The following ELF2 variants were observed in gnomAD, a reference collection of about 807,000 sequenced individuals.
ELF2 encodes ETS-related transcription factor Elf-2.
A neutral mutation model predicts 54.8 loss-of-function variants in ELF2; 11 were observed. The observed-to-expected ratio is 0.20, with a 90% CI of 0.13 to 0.33. ELF2 has a LOEUF of 0.33. Ranked by LOEUF, ELF2 falls within the 10% of genes least tolerant of loss-of-function variation. ELF2 has a pLI of 1.00. For missense variants in ELF2, 513 were observed against 703.0 expected (o/e 0.73, Z 3.06); for synonymous variants, 203 against 245.1 (o/e 0.83, Z 1.61).
chr4:139,114,561 T>TCCAGTCTCACACACACACACACA (rs70940492), intron 4 of ELF2, among the ~76,000 whole-genome samples: 2,654 of 108,532 alleles, frequency 0.024, 67 homozygotes, highest in East Asian at 0.044. Flanking sequence ...GACTTCAGTC[T>TCCAGTCTCACACACACACACACA]CACACACACA....
intron 3 of ELF2, among the ~76,000 whole-genome samples, chr4:139,134,089 CTG>C (rs1737844711): frequency 6.6e-6 from 1 of 152,128 alleles, no homozygotes; most frequent in Non-Finnish European, 1.5e-5. Flanking sequence ...ATGATGTTGG[CTG>C]TGGGTTTTTC....
chr4:139,144,435 C>T (rs1017232193), intron 1 of ELF2, among the ~76,000 whole-genome samples: 2 of 152,164 alleles, frequency 1.3e-5, no homozygotes, highest in African/African-American at 4.8e-5. Flanking sequence ...GCAGTGGTTG[C>T]AGGTTGAAAG....
At chr4:139,100,709 A>T (rs1396868320) in intron 4 of ELF2, 2 of 152,282 alleles carry the variant, frequency 1.3e-5, no homozygotes, top group Non-Finnish European at 2.9e-5. Flanking sequence ...GAAAAAAAAT[A>T]AAAATTAAGT....
intron 4 of ELF2, among the ~76,000 whole-genome samples, chr4:139,083,494 G>A (rs1233735286): frequency 6.6e-6 from 1 of 152,178 alleles, no homozygotes; most frequent in Non-Finnish European, 1.5e-5. Context: ...ACCCTGTCCA[G>A]GACCGTTACT....
At chr4:139,112,103 A>G (rs1312338644) in intron 4 of ELF2, among the ~76,000 whole-genome samples, 1 of 152,202 alleles carries the variant, frequency 6.6e-6, no homozygotes, top group Non-Finnish European at 1.5e-5. Flanking sequence ...GCCCTCAGCA[A>G]TAAGATTTTT....
chr4:139,085,702 T>C (rs1187173099), intron 4 of ELF2, among the ~76,000 whole-genome samples: 1 of 152,236 alleles, frequency 6.6e-6, no homozygotes, highest in Non-Finnish European at 1.5e-5. Context: ...TAAGGATCTC[T>C]TTCTTGAATT....
intron 1 of ELF2, among the ~76,000 whole-genome samples, chr4:139,159,648 C>T (rs1014377110): frequency 6.6e-6 from 1 of 152,154 alleles, no homozygotes; most frequent in African/African-American, 2.4e-5. Flanking sequence ...AAGCATTGTC[C>T]TGAAATGATG....
At chr4:139,117,124 T>TA (rs1349665913) in intron 4 of ELF2, among the ~76,000 whole-genome samples, 2 of 152,240 alleles carry the variant, frequency 1.3e-5, no homozygotes, top group Non-Finnish European at 2.9e-5. Flanking sequence ...AATGTCTTGA[T>TA]ACGTGGTTAA....
intron 4 of ELF2, among the ~76,000 whole-genome samples, chr4:139,090,755 C>T (rs1732482354): frequency 6.6e-6 from 1 of 152,068 alleles, no homozygotes; most frequent in East Asian, 1.9e-4. Context: ...CCACCATACC[C>T]AGTTAATTTT....
chr4:139,134,618 A>ATTTTATTTTATTTAT (rs1553967913), intron 3 of ELF2, among the ~76,000 whole-genome samples: 31 of 28,526 alleles, frequency 1.1e-3, no homozygotes, highest in African/African-American at 3.2e-3. Context: ...ATTTTATTTT[A>ATTTTATTTTATTTAT]TTTATTTTAT....
intron 4 of ELF2, among the ~76,000 whole-genome samples, chr4:139,087,744 CGT>C (rs1158313315): frequency 6.6e-6 from 1 of 152,126 alleles, no homozygotes; most frequent in Non-Finnish European, 1.5e-5. Flanking sequence ...GAATTACAGG[CGT>C]GAGTCACCAC....
At chr4:139,118,684 GT>G (rs933250423) in intron 4 of ELF2, among the ~76,000 whole-genome samples, 1,551 of 141,736 alleles carry the variant, frequency 0.011, 25 homozygotes, top group African/African-American at 0.033. Context: ...TAAAGCATTT[GT>G]TTTTTTTTTT....
chr4:139,058,276 T>G lies in ELF2; in HGVS notation c.*707A>C, dbSNP rs1727302123. ...CAATACTGTGCTAGGTACAAGATTT[T>G]TAAAATTTTTCTTTTAATAAAAAAG... is the stretch of plus-strand genomic sequence containing the variant. On this transcript the variant is annotated 3_prime_UTR_variant, in exon 10 of 10. Coordinates refer to ENST00000686138, the MANE Select transcript of ELF2 (RefSeq NM_001331036.3). 6.6e-6 allele frequency: 1 copy of G among 151,970 alleles called. No homozygotes were observed. The highest frequency in any genetic ancestry group is 2.1e-4 in the South Asian group (1 of 4,830). The allele number at this position is 151,970 out of a possible 1,614,324, so 9.4% of individuals were successfully genotyped here.
intron 4 of ELF2, chr4:139,100,324 G>A (rs572351591): frequency 3.0e-4 from 45 of 152,026 alleles, no homozygotes; most frequent in African/African-American, 1.0e-3. Context: ...GTTTCTAGAT[G>A]AATGTGAGAA....
chr4:139,110,327 T>C (rs1734836218), intron 4 of ELF2, among the ~76,000 whole-genome samples: 1 of 152,170 alleles, frequency 6.6e-6, no homozygotes, highest in Admixed American at 6.5e-5. Flanking sequence ...GTTCCTGTTG[T>C]GACCAAAGAC....
chr4:139,083,755 AG>A (rs1187107281), intron 4 of ELF2, among the ~76,000 whole-genome samples: 5 of 152,120 alleles, frequency 3.3e-5, no homozygotes, highest in Admixed American at 3.3e-4. Context: ...GAGAGACAAC[AG>A]CCTCACTCAC....
At chr4:139,162,566 A>G (rs972514886) in intron 1 of ELF2, among the ~76,000 whole-genome samples, 1 of 152,208 alleles carries the variant, frequency 6.6e-6, no homozygotes, top group Non-Finnish European at 1.5e-5. Flanking sequence ...GTAAATACAA[A>G]TGGAATAAAT....
In ELF2 at chr4:139,059,046, C is replaced by T. The variant is rs1466053614; in HGVS notation, c.1719G>A (p.Ala573=). Residue 573 remains alanine, a synonymous_variant, in exon 10 of 10, where the codon GCG becomes GCA. Coordinates refer to ENST00000686138, the MANE Select transcript of ELF2 (RefSeq NM_001331036.3). ...KTVTHVVVVS[A]PSAIALPVTM... ...TTACAGGAAGGGCAATAGCTGAAGG[C>T]GCACTGACAACCACTACGTGGGTCA... 5.1e-5 allele frequency: 83 copies of T among 1,613,786 alleles called. No homozygotes were observed. The highest frequency in any genetic ancestry group is 6.2e-5 in the Non-Finnish European group (73 of 1,179,844).
intron 4 of ELF2, among the ~76,000 whole-genome samples, chr4:139,096,326 A>G (rs765939471): frequency 1.1e-4 from 16 of 152,102 alleles, no homozygotes; most frequent in South Asian, 4.1e-4. Context: ...TCTGGGTCTG[A>G]TGGACTTTTT....
Sources: allele counts gnomAD v4.1 joint callset (sites outside exome capture counted in the v4.1 genomes callset), GRCh38; gene constraint gnomAD v4.1.1; transcripts MANE v1.5; gene names NCBI Gene and HGNC (gene_info 2026-07-23, HGNC 2026-07-21).